PCNX1: variants seen among roughly 807,000 people sequenced by gnomAD.
PCNX1 encodes pecanex 1.
A neutral mutation model predicts 242.2 loss-of-function variants in PCNX1; 78 were observed. That is an observed-to-expected ratio of 0.32 (90% CI 0.27 to 0.39). The LOEUF (loss-of-function observed/expected upper bound fraction) is 0.39. Ranked by LOEUF, PCNX1 falls within the 10% of genes least tolerant of loss-of-function variation. The pLI is 1.00. For synonymous variants in PCNX1, 1,024 were observed against 1,032.9 expected (o/e 0.99, Z 0.17); for missense variants, 2,581 against 2,856.5 (o/e 0.90, Z 2.20).
chr14:70,919,372 C>T (rs890545672), intron 1 of PCNX1, among the ~76,000 whole-genome samples: 1 of 152,036 alleles, frequency 6.6e-6, no homozygotes, highest in Non-Finnish European at 1.5e-5. Flanking sequence ...AATTAATTTT[C>T]ACAGCAAGCA....
intron 12 of PCNX1, among the ~76,000 whole-genome samples, chr14:71,021,833 C>T (rs890180728): frequency 3.3e-5 from 5 of 151,688 alleles, no homozygotes; most frequent in Non-Finnish European, 7.4e-5. Context: ...TTTGTTGATC[C>T]CTCTTTGTTC....
At chr14:70,946,875 A>T in intron 1 of PCNX1, 40 bp from the exon 2 acceptor site, 1 of 1,301,410 alleles carries the variant, frequency 7.7e-7, no homozygotes, top group Middle Eastern at 2.2e-4. Flanking sequence ...ACGATATAAA[A>T]TATTTTAAAA....
Position 70,977,004 on chromosome 14 carries a change from C to A in PCNX1, c.667C>A (p.Pro223Thr), listed in dbSNP as rs772306600. 6.2e-7 allele frequency: 1 copy of A among 1,614,098 alleles called. No individual in the cohort carries two copies. The highest frequency in any genetic ancestry group is 8.5e-7 in the Non-Finnish European group (1 of 1,179,964). ...CAATGACTCCTTCATCTCTATTCAG[C>A]CTTCCTTATCCTCTTGTGGACAGGA... ...VSNDSFISIQ[P>T]SLSSCGQDLP... The change falls in exon 6 of 36, where the codon CCT becomes ACT. Residue 223 changes from proline to threonine, a missense_variant. Pro to Thr is a conservative substitution (Grantham distance 38, BLOSUM62 -1). Around this residue, in one of 9 missense-constraint regions of PCNX1, gnomAD observed 1,204 missense variants for 1,216.7 expected, o/e 0.99. Coordinates refer to ENST00000304743, the MANE Select transcript of PCNX1 (RefSeq NM_014982.3).
chr14:71,047,695 T>C, intron 21 of PCNX1, 112 bp from the exon 22 acceptor site: 1 of 820,922 alleles, frequency 1.2e-6, no homozygotes, highest in Non-Finnish European at 1.9e-6. Context: ...GAAGCTTACA[T>C]TTAATGTATA....
intron 15 of PCNX1, 103 bp downstream of exon 15, chr14:71,026,985 T>C: frequency 1.8e-6 from 1 of 547,426 alleles, no homozygotes; most frequent in Non-Finnish European, 3.2e-6. Context: ...CACTTCAGGC[T>C]TGAAATTAGA....
chr14:71,051,103 G>A (rs978695409), intron 23 of PCNX1, among the ~76,000 whole-genome samples: 3 of 145,470 alleles, frequency 2.1e-5, no homozygotes, highest in Non-Finnish European at 4.5e-5. Context: ...AGGAGGTAGA[G>A]GTTGCAGTGA....
intron 19 of PCNX1, among the ~76,000 whole-genome samples, chr14:71,042,964 A>G (rs1161203345): frequency 1.3e-5 from 2 of 151,426 alleles, no homozygotes; most frequent in African/African-American, 4.9e-5. Context: ...ATAGGACTCA[A>G]TAATTTCTTG....
At chr14:71,051,194 AAAAAT>A (rs1485879067) in intron 23 of PCNX1, among the ~76,000 whole-genome samples, 19,647 of 124,384 alleles carry the variant, frequency 0.16, 2,025 homozygotes, top group Middle Eastern at 0.22. Flanking sequence ...AAAAAAAAAA[AAAAAT>A]CATAACCTTT....
chr14:71,003,464 A>G (rs2059569508), intron 8 of PCNX1, among the ~76,000 whole-genome samples: 1 of 152,168 alleles, frequency 6.6e-6, no homozygotes, highest in South Asian at 2.1e-4. Flanking sequence ...TGTCAGATAC[A>G]AATTACAAAT....
At chr14:70,920,374 A>G (rs2056331817) in intron 1 of PCNX1, among the ~76,000 whole-genome samples, 1 of 152,162 alleles carries the variant, frequency 6.6e-6, no homozygotes, top group South Asian at 2.1e-4. Flanking sequence ...CATCTTTACT[A>G]TGGCTTTCTT....
chr14:71,029,174 G>A (rs2140900747), intron 16 of PCNX1, among the ~76,000 whole-genome samples: 1 of 152,032 alleles, frequency 6.6e-6, no homozygotes, highest in Admixed American at 6.5e-5. Flanking sequence ...TTCAAGGACT[G>A]CAATTTAAGA....
rs147408993 is a variant in PCNX1 at position 70,976,988 on chromosome 14, C to T, written c.651C>T (p.Ser217=). The change falls in exon 6 of 36, where the codon TCC becomes TCT. Residue 217 remains serine, a synonymous_variant. Coordinates refer to ENST00000304743, the MANE Select transcript of PCNX1 (RefSeq NM_014982.3). ...TCTTTCGTCTTGTCTCCAATGACTC[C>T]TTCATCTCTATTCAGCCTTCCTTAT... is the stretch of plus-strand genomic sequence containing the variant. ...RKLFRLVSND[S]FISIQPSLSS... 2.9e-4 allele frequency: 462 copies of T among 1,613,864 alleles called. No homozygotes were observed. Among genetic ancestry groups the T allele is most frequent in the Non-Finnish European group, 3.8e-4 (444 of 1,179,888 alleles).
At chr14:70,942,545 C>T (rs1389132124) in intron 1 of PCNX1, among the ~76,000 whole-genome samples, 1 of 152,130 alleles carries the variant, frequency 6.6e-6, no homozygotes, top group Non-Finnish European at 1.5e-5. Flanking sequence ...CAGCAGATAC[C>T]AGCTGGGTAT....
At chr14:70,916,557 A>G (rs552842783) in intron 1 of PCNX1, among the ~76,000 whole-genome samples, 5 of 152,342 alleles carry the variant, frequency 3.3e-5, no homozygotes, top group African/African-American at 9.6e-5. Context: ...TTATATTTAC[A>G]TTATGCTGTA....
chr14:70,981,843 A>T (rs2058848927), intron 6 of PCNX1, among the ~76,000 whole-genome samples: 1 of 152,144 alleles, frequency 6.6e-6, no homozygotes. Flanking sequence ...TTGTTATAGC[A>T]TATTTTCTGT....
At chr14:71,042,039 A>G (rs1416650007) in intron 19 of PCNX1, among the ~76,000 whole-genome samples, 4 of 152,124 alleles carry the variant, frequency 2.6e-5, no homozygotes, top group Non-Finnish European at 5.9e-5. Flanking sequence ...GTCTGAGAAG[A>G]TAACTTTATA....
chr14:70,974,784 A>G (rs1426510881), intron 5 of PCNX1, among the ~76,000 whole-genome samples: 4 of 152,316 alleles, frequency 2.6e-5, no homozygotes, highest in Admixed American at 2.6e-4. Context: ...ACTAATAACA[A>G]TTATTTTAAA....
intron 5 of PCNX1, among the ~76,000 whole-genome samples, chr14:70,971,973 G>A (rs1034176749): frequency 6.6e-6 from 1 of 152,110 alleles, no homozygotes; most frequent in Non-Finnish European, 1.5e-5. Context: ...TCATTTCAGT[G>A]GAATCACTCC....
chr14:71,105,315 C>G lies in PCNX1; in HGVS notation c.6176C>G (p.Thr2059Ser). ...DSDTGGGTSC[T>S]GNNATTANNP... is the part of the protein sequence containing the mutation. ...GATACTGGAGGTGGGACTTCCTGCA[C>G]TGGTAACAATGCAACAACTGCCAAC... The change falls in exon 33 of 36, where the codon ACT becomes AGT. Residue 2059 changes from threonine (T) to serine (S), a missense_variant. Thr to Ser is a moderately conservative substitution (Grantham distance 58, BLOSUM62 1). Transcript: ENST00000304743. The G allele has an allele frequency of 6.2e-7, 1 of 1,613,434 alleles. No homozygotes were observed.
Sources: gnomAD v4.1 joint callset for allele counts (sites outside exome capture counted in the v4.1 genomes callset) on GRCh38, gnomAD v4.1.1 for gene constraint, gnomAD v4.1.1 regional missense constraint, MANE v1.5 for transcripts, NCBI Gene and HGNC (gene_info 2026-07-23, HGNC 2026-07-21) for gene names.